The following CNTN4 variants were observed in gnomAD, a reference collection of about 807,000 sequenced individuals.
CNTN4 encodes the protein contactin 4.
A neutral mutation model predicts 122.5 loss-of-function variants in CNTN4; 77 were observed. The observed-to-expected ratio is 0.63, with a 90% CI of 0.52 to 0.76. The LOEUF (loss-of-function observed/expected upper bound fraction) is 0.76, where lower values mean the gene tolerates loss of function less well. CNTN4 is among the 30% of genes least tolerant of loss of function. CNTN4 has a pLI of 0.00. For synonymous variants in CNTN4, 512 were observed against 447.0 expected, an observed-to-expected ratio of 1.15 and a Z score of -1.83; for missense variants, 1,256 against 1,259.1, an observed-to-expected ratio of 1.00 and a Z score of 0.04.
chr3:2,717,096 A>G (rs549762786), intron 4 of CNTN4, among the ~76,000 whole-genome samples: 1 of 152,278 alleles, frequency 6.6e-6, no homozygotes, highest in East Asian at 1.9e-4. Flanking sequence ...GTGTTTATGC[A>G]GACCTGTGTT....
chr3:2,981,304 C>A (rs1409061319), intron 13 of CNTN4, among the ~76,000 whole-genome samples: 4 of 151,638 alleles, frequency 2.6e-5, no homozygotes, highest in Non-Finnish European at 5.9e-5. Flanking sequence ...ATTAGCCGGG[C>A]GTGGTGGCGG....
At chr3:2,136,468 A>T (rs2034697525) in intron 2 of CNTN4, among the ~76,000 whole-genome samples, 1 of 152,076 alleles carries the variant, frequency 6.6e-6, no homozygotes, top group South Asian at 2.1e-4. Context: ...AATGTTTCAT[A>T]CTCCAGTATT....
intron 4 of CNTN4, among the ~76,000 whole-genome samples, chr3:2,628,333 G>GCAGGA (rs754595608): frequency 4.6e-5 from 7 of 152,224 alleles, no homozygotes; most frequent in Non-Finnish European, 8.8e-5. Context: ...AGCAGCAGGG[G>GCAGGA]CAGGAGGCCG....
intron 2 of CNTN4, among the ~76,000 whole-genome samples, chr3:2,334,708 G>A (rs937130803): frequency 6.6e-6 from 1 of 152,118 alleles, no homozygotes; most frequent in African/African-American, 2.4e-5. Flanking sequence ...CACATTTGTT[G>A]TTAGACAAAT....
At chr3:2,732,269 A>C (rs1302135045) in intron 4 of CNTN4, among the ~76,000 whole-genome samples, 1 of 152,200 alleles carries the variant, frequency 6.6e-6, no homozygotes, top group Non-Finnish European at 1.5e-5. Flanking sequence ...AATCACCCAG[A>C]GAGCTAGGTT....
At chr3:2,873,035 C>G (rs1177209912) in intron 8 of CNTN4, among the ~76,000 whole-genome samples, 4 of 151,968 alleles carry the variant, frequency 2.6e-5, no homozygotes, top group African/African-American at 9.7e-5. Context: ...AGGAAAAAGC[C>G]CAAACGATGA....
In CNTN4 at chr3:2,846,912, G is replaced by A. The variant is rs187273539; in HGVS notation, c.455-19840G>A. Among the ~76,000 whole-genome samples, 74 of 152,218 alleles carry A rather than the reference G, an allele frequency of 4.9e-4. 1 individual carries two copies. The East Asian group carries it at 0.011, about 23-fold the overall frequency. On this transcript the variant is annotated intron_variant, in intron 7 of 24. Transcript: ENST00000418658. ...TCAGGAAGGCTGAGGCAGGAGAATC[G>A]CTTGAACTCAAGAGGTGGAGGCTGC...
At position 2,367,593 on chromosome 3, in the gene CNTN4, C is replaced by T. The variant is rs191527579; in HGVS notation, c.-89+28360C>T. ...AGGCTAGAGTGCAATGGCACAATCTCAGCTCACTGCAACCTCCTCCTCCTG... is the reference window on the plus strand; with the variant it reads ...AGGCTAGAGTGCAATGGCACAATCTTAGCTCACTGCAACCTCCTCCTCCTG... On this transcript the variant is annotated intron_variant, in intron 3 of 24. Transcript: ENST00000418658. Among the ~76,000 whole-genome samples, 134 of 152,248 alleles carry T rather than the reference C, an allele frequency of 8.8e-4. 2 individuals are homozygous for T. In the East Asian group the frequency reaches 0.019, roughly 22 times the overall value.
chr3:2,523,612 A>G (rs1164050726), intron 3 of CNTN4, among the ~76,000 whole-genome samples: 1 of 151,978 alleles, frequency 6.6e-6, no homozygotes, highest in Non-Finnish European at 1.5e-5. Flanking sequence ...TTGAACTTGA[A>G]AAAGGTTACC....
intron 2 of CNTN4, among the ~76,000 whole-genome samples, chr3:2,213,898 C>G (rs2038725467): frequency 6.6e-6 from 1 of 152,138 alleles, no homozygotes; most frequent in African/African-American, 2.4e-5. Context: ...AGGTTGGCAA[C>G]AAACCACGAT....
rs189263366 is a variant in CNTN4 at position 2,385,742 on chromosome 3, T to A, written c.-89+46509T>A. Among the ~76,000 whole-genome samples the A allele has an allele frequency of 6.6e-6, 1 of 152,218 alleles. No homozygotes were observed. On this transcript the variant is annotated intron_variant, in intron 3 of 24. Transcript: ENST00000418658. The surrounding 1 kb of genome is among the most constrained non-coding windows in gnomAD (Gnocchi z 4.0). Reference sequence around the variant, plus strand: ...ATTTTTTCCTCTTCTCATAAGGACATAAGTCTTATTGGATATGACCTATCC... The same window carrying A: ...ATTTTTTCCTCTTCTCATAAGGACAAAAGTCTTATTGGATATGACCTATCC...
At chr3:2,849,341 T>C (rs1396538950) in intron 7 of CNTN4, among the ~76,000 whole-genome samples, 1 of 152,234 alleles carries the variant, frequency 6.6e-6, no homozygotes, top group Non-Finnish European at 1.5e-5. Context: ...ATAATGGTGA[T>C]AGTTGCACAA....
At chr3:2,535,510 C>T (rs573970118) in intron 3 of CNTN4, among the ~76,000 whole-genome samples, 11 of 152,202 alleles carry the variant, frequency 7.2e-5, no homozygotes, top group Admixed American at 2.0e-4. Context: ...TTTTCATTGA[C>T]GTCAAGGCCC....
intron 4 of CNTN4, among the ~76,000 whole-genome samples, chr3:2,596,454 C>T (rs9866546): frequency 0.17 from 25,305 of 152,058 alleles, 4,268 homozygotes; most frequent in African/African-American, 0.43. Flanking sequence ...AGCTTAATAA[C>T]AGAAATAGCA....
chr3:2,716,976 A>G (rs2087533924), intron 4 of CNTN4, among the ~76,000 whole-genome samples: 1 of 152,154 alleles, frequency 6.6e-6, no homozygotes, highest in Non-Finnish European at 1.5e-5. Context: ...ATAATATTCC[A>G]CTGTATTGAT....
intron 2 of CNTN4, among the ~76,000 whole-genome samples, chr3:2,298,164 G>A (rs1054859641): frequency 3.3e-5 from 5 of 152,104 alleles, no homozygotes; most frequent in Admixed American, 3.3e-4. Flanking sequence ...GTAATTAGTA[G>A]CAAATCACCT....
At chr3:2,918,313 T>C (rs939463648) in intron 12 of CNTN4, among the ~76,000 whole-genome samples, 1 of 152,174 alleles carries the variant, frequency 6.6e-6, no homozygotes, top group Non-Finnish European at 1.5e-5. Flanking sequence ...TTTGAGCAAG[T>C]AAACTCAAGG....
At position 2,318,369 on chromosome 3, in the gene CNTN4, A is replaced by T. The variant is rs567396537; in HGVS notation, c.-144-20809A>T. Among the ~76,000 whole-genome samples, 69 of 152,250 alleles carry T rather than the reference A, an allele frequency of 4.5e-4. 1 individual carries two copies. Among genetic ancestry groups the T allele is most frequent in the African/African-American group, 1.6e-3 (66 of 41,536 alleles). The stretch of plus-strand genomic sequence containing the variant: ...CCAGAAAGTAAGCTTATTCCAGAAG[A>T]GGTTGGCCCTGTCTCCATCAGGAAT... On this transcript the variant is annotated intron_variant, in intron 2 of 24. Transcript: ENST00000418658.
chr3:2,169,553 C>CG (rs1405726185), intron 2 of CNTN4, among the ~76,000 whole-genome samples: 18 of 34,750 alleles, frequency 5.2e-4, no homozygotes, highest in Non-Finnish European at 9.4e-4. Flanking sequence ...ACTACAGGCG[C>CG]CGCCACCACG....
Sources: gnomAD v4.1 joint callset for allele counts (sites outside exome capture counted in the v4.1 genomes callset) on GRCh38, gnomAD v4.1.1 for gene constraint, Gnocchi (gnomAD v3.1) non-coding constraint, MANE v1.5 for transcripts, NCBI Gene and HGNC (gene_info 2026-07-23, HGNC 2026-07-21) for gene names.